YTHDC2: variants seen among roughly 807,000 people sequenced by gnomAD.
The protein encoded by YTHDC2 is YTH N6-methyladenosine RNA binding protein C2, also known as 3'-5' RNA helicase YTHDC2.
YTHDC2 carries 45 observed loss-of-function variants against 174.9 expected under a neutral mutation model. The observed-to-expected ratio is 0.26, with a 90% CI of 0.20 to 0.33. The LOEUF is 0.33. Among genes scored for constraint, YTHDC2 ranks in the 10% least tolerant of loss-of-function variants. The probability of loss-of-function intolerance (pLI) is 1.00; values close to 1 mark genes in which losing one functional copy is unlikely to be tolerated. For synonymous variants in YTHDC2, 657 were observed against 574.5 expected (o/e 1.14, Z -2.05); for missense variants, 1,650 against 1,723.7 (o/e 0.96, Z 0.76).
chr5:113,591,028 T>G lies in YTHDC2; in HGVS notation c.3826-13T>G, dbSNP rs770449737. On this transcript the variant is annotated splice_polypyrimidine_tract_variant and intron_variant, in intron 26 of 29. Transcript: ENST00000161863. ...TCAGGTTACCTTTCAAGAACTTATG[T>G]TTTCTTTTATAGGGCTCAAAATCTC... The G allele has an allele frequency of 2.1e-5, 33 of 1,609,448 alleles. No homozygotes were observed. The highest frequency in any genetic ancestry group is 2.5e-5 in the Non-Finnish European group (29 of 1,177,862).
chr5:113,535,823 C>A (rs1419643610), intron 7 of YTHDC2, 25 bp downstream of exon 7: 2 of 1,529,142 alleles, frequency 1.3e-6, no homozygotes, highest in Non-Finnish European at 1.8e-6. Flanking sequence ...CAGATTTCTT[C>A]TATAATTTTT....
Position 113,553,164 on chromosome 5 carries a change from T to TTG in YTHDC2, c.1689-16_1689-15insGT, listed in dbSNP as rs764106371. 1 of 1,361,346 alleles carries TTG rather than the reference T, an allele frequency of 7.3e-7. No homozygotes were observed. The highest frequency in any genetic ancestry group is 1.5e-5 in the African/African-American group (1 of 64,892). 84.3% of individuals were successfully genotyped at this position (1,361,346 alleles called of 1,614,324 possible). A position where few individuals can be genotyped will look rare whatever the true frequency, so the allele number is the denominator to read the frequency against. On this transcript the variant is annotated splice_polypyrimidine_tract_variant and intron_variant, in intron 12 of 29. Transcript: ENST00000161863. ...AATGGAAATTGACTTTGTCTTTTTTTTTTTTTTTTTTTTCAGTGCTACACT... is the reference window on the plus strand; with the variant it reads ...AATGGAAATTGACTTTGTCTTTTTTTTGTTTTTTTTTTTTTCAGTGCTACACT...
intron 22 of YTHDC2, 89 bp downstream of exon 22, chr5:113,567,386 C>A: frequency 1.3e-6 from 1 of 763,520 alleles, no homozygotes; most frequent in Non-Finnish European, 1.8e-6. Flanking sequence ...TACCTGCCTG[C>A]TTTAAGAAAT....
intron 2 of YTHDC2, among the ~76,000 whole-genome samples, chr5:113,521,868 G>C (rs1486515356): frequency 6.7e-6 from 1 of 148,838 alleles, no homozygotes; most frequent in Non-Finnish European, 1.5e-5. Context: ...TTTACTATAG[G>C]CATAGTGACC....
intron 2 of YTHDC2, among the ~76,000 whole-genome samples, chr5:113,519,996 C>T (rs1291929624): frequency 6.6e-6 from 1 of 152,158 alleles, no homozygotes; most frequent in Non-Finnish European, 1.5e-5. Flanking sequence ...AACTCATCAG[C>T]TAGGTTTTAA....
chr5:113,541,129 T>C lies in YTHDC2; in HGVS notation c.1359+13T>C. 1 of 1,613,808 alleles carries C rather than the reference T, an allele frequency of 6.2e-7. No homozygotes were observed. The highest frequency in any genetic ancestry group is 1.3e-5 in the African/African-American group (1 of 75,028). On this transcript the variant is annotated intron_variant, in intron 9 of 29. Transcript: ENST00000161863. ...CTTCAGTCAGCTGGTATGACCTCCCTGGTTTCCCACTCATATTTTGTGTGA... is the reference window on the plus strand; with the variant it reads ...CTTCAGTCAGCTGGTATGACCTCCCCGGTTTCCCACTCATATTTTGTGTGA...
chr5:113,579,938 G>A, intron 24 of YTHDC2: 1 of 983,600 alleles, frequency 1.0e-6, no homozygotes, highest in Non-Finnish European at 1.2e-6. Flanking sequence ...GTTTGTTGTT[G>A]CTGCTATAGT....
chr5:113,543,809 G>C (rs1442980888), intron 10 of YTHDC2, among the ~76,000 whole-genome samples: 1 of 152,030 alleles, frequency 6.6e-6, no homozygotes, highest in African/African-American at 2.4e-5. Flanking sequence ...ATTCCCTTTG[G>C]GACTTTGTTT....
intron 2 of YTHDC2, among the ~76,000 whole-genome samples, chr5:113,518,680 C>T (rs889075281): frequency 6.6e-6 from 1 of 151,674 alleles, no homozygotes; most frequent in Non-Finnish European, 1.5e-5. Flanking sequence ...AGCCTGGATT[C>T]TATTTCCAGT....
In YTHDC2 at chr5:113,569,563, G is replaced by A. The variant is rs569662987; in HGVS notation, c.3244+1714G>A. Among the ~76,000 whole-genome samples, 5 of 152,268 alleles carry A rather than the reference G, an allele frequency of 3.3e-5. No homozygotes were observed. The East Asian group carries it at 9.6e-4, about 29-fold the overall frequency. On this transcript the variant is annotated intron_variant, in intron 23 of 29. Transcript: ENST00000161863. ...GCCCAGTTTCAGTTTTCTGCATATA[G>A]CTAACCAGTTCTTTCAGCACCATTT...
At chr5:113,572,413 A>G (rs1777784013) in intron 23 of YTHDC2, among the ~76,000 whole-genome samples, 1 of 152,256 alleles carries the variant, frequency 6.6e-6, no homozygotes, top group African/African-American at 2.4e-5. Context: ...AATAAATGCC[A>G]TGTGGCGATG....
chr5:113,533,179 T>C (rs1774799780), intron 5 of YTHDC2, 134 bp downstream of exon 5: 2 of 941,440 alleles, frequency 2.1e-6, no homozygotes, highest in South Asian at 1.8e-5. Flanking sequence ...CATCAAGATA[T>C]TAAAGTCATG....
chr5:113,545,074 C>T (rs898445782), intron 10 of YTHDC2, among the ~76,000 whole-genome samples: 4 of 151,960 alleles, frequency 2.6e-5, no homozygotes, highest in South Asian at 2.1e-4. Context: ...AGATTTGGCC[C>T]GTTGTTTCTG....
At chr5:113,572,095 T>G (rs921857447) in intron 23 of YTHDC2, among the ~76,000 whole-genome samples, 3 of 152,206 alleles carry the variant, frequency 2.0e-5, no homozygotes, top group Admixed American at 6.5e-5. Flanking sequence ...AGCTTTCTGA[T>G]GTGTTCATTT....
chr5:113,546,351 T>C (rs1465252578), intron 10 of YTHDC2, among the ~76,000 whole-genome samples: 1 of 152,210 alleles, frequency 6.6e-6, no homozygotes, highest in Non-Finnish European at 1.5e-5. Context: ...TATGTACAGT[T>C]TGTACATTTC....
intron 18 of YTHDC2, among the ~76,000 whole-genome samples, chr5:113,561,953 T>TGTGGGTGG (rs879387972): frequency 1.5e-3 from 193 of 132,720 alleles, no homozygotes; most frequent in Middle Eastern, 3.5e-3. Flanking sequence ...CTCTATTAAT[T>TGTGGGTGG]GTGGGTGTGT....
intron 4 of YTHDC2, among the ~76,000 whole-genome samples, chr5:113,529,881 G>A (rs1471395301): frequency 6.6e-6 from 1 of 151,920 alleles, no homozygotes; most frequent in Non-Finnish European, 1.5e-5. Context: ...GGGCTTTGGG[G>A]CATGTTAAGA....
At chr5:113,519,361 G>A (rs1454489395) in intron 2 of YTHDC2, among the ~76,000 whole-genome samples, 1 of 151,936 alleles carries the variant, frequency 6.6e-6, no homozygotes, top group Non-Finnish European at 1.5e-5. Context: ...TTAAAGTCAC[G>A]CTGAGGTCAG....
Position 113,513,961 on chromosome 5 carries a change from C to A in YTHDC2, c.66C>A (p.Pro22=). Residue 22 remains proline, a synonymous_variant, in exon 1 of 30, where the codon CCC becomes CCA. Transcript: ENST00000161863. The part of the protein sequence containing the change: ...PAPGGGGGGG[P]SPCGPGGGGR... Reference sequence around the variant, plus strand: ...CTGGCGGTGGCGGAGGCGGCGGCCCCTCGCCTTGTGGCCCTGGGGGCGGCG... The same window carrying A: ...CTGGCGGTGGCGGAGGCGGCGGCCCATCGCCTTGTGGCCCTGGGGGCGGCG... 6.2e-7 allele frequency: 1 copy of A among 1,603,160 alleles called. No individual in the cohort carries two copies. The highest frequency in any genetic ancestry group is 2.2e-5 in the East Asian group (1 of 44,526).
Sources: allele counts gnomAD v4.1 joint callset (sites outside exome capture counted in the v4.1 genomes callset), GRCh38; gene constraint gnomAD v4.1.1; transcripts MANE v1.5; gene names NCBI Gene and HGNC (gene_info 2026-07-23, HGNC 2026-07-21).